Variants in PLD5 observed in about 807,000 individuals in gnomAD.
The protein encoded by PLD5 is phospholipase D family member 5, also known as inactive phospholipase D5.
A neutral mutation model predicts 61.1 loss-of-function variants in PLD5; 36 were observed. That is an observed-to-expected ratio of 0.59 (90% CI 0.45 to 0.78). The LOEUF (loss-of-function observed/expected upper bound fraction) is 0.78. PLD5 is among the 30% of genes least tolerant of loss of function. The pLI, the probability that PLD5 is intolerant of heterozygous loss-of-function variation, is 0.00. For missense variants in PLD5, 515 were observed against 644.4 expected, an observed-to-expected ratio of 0.80 and a Z score of 2.17; for synonymous variants, 243 against 242.8, an observed-to-expected ratio of 1.00 and a Z score of -0.01.
intron 5 of PLD5, among the ~76,000 whole-genome samples, chr1:242,168,856 T>G (rs1343121292): frequency 7.2e-6 from 1 of 139,580 alleles, no homozygotes; most frequent in Admixed American, 8.0e-5. Context: ...GTTTTTTTTT[T>G]TTTTTTTTTT....
intron 4 of PLD5, among the ~76,000 whole-genome samples, chr1:242,240,261 G>A (rs1156619862): frequency 2.0e-5 from 3 of 152,140 alleles, no homozygotes. Flanking sequence ...ATCTTCTCTT[G>A]GCATAGAGTC....
intron 1 of PLD5, among the ~76,000 whole-genome samples, chr1:242,504,561 C>G (rs1668660854): frequency 7.0e-6 from 1 of 142,032 alleles, no homozygotes. Context: ...GCAATTACTG[C>G]CTCCATCCAT....
chr1:242,318,007 A>T (rs1370656475), intron 2 of PLD5, among the ~76,000 whole-genome samples: 3 of 152,196 alleles, frequency 2.0e-5, no homozygotes, highest in Admixed American at 6.5e-5. Context: ...AAGGAGGCAT[A>T]AAAAAGCTTT....
chr1:242,394,222 ATG>A (rs1243000505), intron 1 of PLD5, among the ~76,000 whole-genome samples: 1 of 30,266 alleles, frequency 3.3e-5, no homozygotes, highest in African/African-American at 7.0e-5. Flanking sequence ...GAGTATATAT[ATG>A]TGTATATATA....
intron 4 of PLD5, among the ~76,000 whole-genome samples, chr1:242,245,097 G>C (rs1672280584): frequency 6.6e-6 from 1 of 152,104 alleles, no homozygotes; most frequent in Non-Finnish European, 1.5e-5. Flanking sequence ...TGTTTTTCCA[G>C]TATTATATAA....
chr1:242,249,574 G>A (rs1321539124), intron 4 of PLD5, among the ~76,000 whole-genome samples: 2 of 152,178 alleles, frequency 1.3e-5, no homozygotes, highest in African/African-American at 4.8e-5. Flanking sequence ...TTTTTCTTGA[G>A]AAGGAAATCA....
chr1:242,267,524 C>T (rs750845636), intron 3 of PLD5, among the ~76,000 whole-genome samples: 2 of 152,156 alleles, frequency 1.3e-5, no homozygotes, highest in African/African-American at 4.8e-5. Flanking sequence ...CTGGAGGAAG[C>T]CTCACCACAA....
Position 242,524,220 on chromosome 1 carries a change from C to T in PLD5, c.57G>A (p.Gln19=). The change falls in exon 1 of 10, where the codon CAG becomes CAA. Residue 19 remains glutamine (Q), a synonymous_variant. Transcript: ENST00000536534. ...LSASPHEGFE[Q]MRLKSRPKEP... ...CCTTGGGGCGGCTTTTGAGCCTCATCTGCTCGAAGCCCTCATGGGGGGAGG... is the reference window on the plus strand; with the variant it reads ...CCTTGGGGCGGCTTTTGAGCCTCATTTGCTCGAAGCCCTCATGGGGGGAGG... 6.5e-7 allele frequency: 1 copy of T among 1,531,756 alleles called. No individual in the cohort carries two copies. Among genetic ancestry groups the T allele is most frequent in the South Asian group, 1.2e-5 (1 of 83,870 alleles). The allele number at this position is 1,531,756 out of a possible 1,614,324, so 94.9% of individuals were successfully genotyped here.
chr1:242,132,038 C>T (rs928028532), intron 5 of PLD5, among the ~76,000 whole-genome samples: 1 of 151,616 alleles, frequency 6.6e-6, no homozygotes, highest in African/African-American at 2.4e-5. Flanking sequence ...ACCATCTTGG[C>T]CAGGATGGTC....
intron 5 of PLD5, among the ~76,000 whole-genome samples, chr1:242,215,741 C>T (rs1264710189): frequency 3.3e-5 from 5 of 152,142 alleles, no homozygotes; most frequent in Non-Finnish European, 7.4e-5. Flanking sequence ...GACAATGCAC[C>T]TTCCTTGGAC....
intron 3 of PLD5, among the ~76,000 whole-genome samples, chr1:242,282,562 T>C (rs545913259): frequency 7.9e-5 from 12 of 152,348 alleles, no homozygotes; most frequent in Non-Finnish European, 1.6e-4. Context: ...AGCTCACTGG[T>C]AGACCAGTAT....
chr1:242,184,220 A>C (rs1667726297), intron 5 of PLD5, among the ~76,000 whole-genome samples: 1 of 152,162 alleles, frequency 6.6e-6, no homozygotes, highest in South Asian at 2.1e-4. Context: ...ATTATGAACT[A>C]CTTCAAAATA....
At chr1:242,439,199 TG>T (rs758714107) in intron 1 of PLD5, among the ~76,000 whole-genome samples, 19 of 152,178 alleles carry the variant, frequency 1.2e-4, no homozygotes, top group Non-Finnish European at 2.4e-4. Context: ...AAGCAAAGTT[TG>T]TTTCTTGTTC....
At chr1:242,135,385 T>C (rs1158831553) in intron 5 of PLD5, among the ~76,000 whole-genome samples, 6 of 152,012 alleles carry the variant, frequency 3.9e-5, no homozygotes, top group Non-Finnish European at 7.4e-5. Flanking sequence ...ACACCTACAC[T>C]CTCCAGGAAA....
At chr1:242,468,204 T>C (rs1667334391) in intron 1 of PLD5, among the ~76,000 whole-genome samples, 1 of 152,208 alleles carries the variant, frequency 6.6e-6, no homozygotes, top group African/African-American at 2.4e-5. Context: ...ACTTTAAGCA[T>C]TTGTGATGGG....
intron 3 of PLD5, among the ~76,000 whole-genome samples, chr1:242,274,808 T>C (rs316908): frequency 6.6e-6 from 1 of 151,910 alleles, no homozygotes; most frequent in Non-Finnish European, 1.5e-5. Flanking sequence ...GAGATGCTTT[T>C]TGTAATCAAG....
chr1:242,221,604 G>C (rs1400445546), intron 4 of PLD5, among the ~76,000 whole-genome samples: 1 of 152,162 alleles, frequency 6.6e-6, no homozygotes, highest in African/African-American at 2.4e-5. Flanking sequence ...ACAGCACCCA[G>C]GCAGATTTTC....
chr1:242,291,987 T>C (rs917360936), intron 2 of PLD5, among the ~76,000 whole-genome samples: 4 of 152,012 alleles, frequency 2.6e-5, no homozygotes, highest in African/African-American at 9.7e-5. Flanking sequence ...GAGAGACCTT[T>C]AGAGAAGCAG....
intron 5 of PLD5, among the ~76,000 whole-genome samples, chr1:242,167,910 A>G (rs1666445881): frequency 6.6e-6 from 1 of 152,252 alleles, no homozygotes. Flanking sequence ...ATTGCTGCAT[A>G]TAAATGATGA....
Sources: gnomAD v4.1 joint callset for allele counts (sites outside exome capture counted in the v4.1 genomes callset) on GRCh38, gnomAD v4.1.1 for gene constraint, MANE v1.5 for transcripts, NCBI Gene and HGNC (gene_info 2026-07-23, HGNC 2026-07-21) for gene names.